Variants in PTPRT observed in about 807,000 individuals in gnomAD.
PTPRT encodes protein tyrosine phosphatase receptor type T.
PTPRT carries 56 observed loss-of-function variants against 176.8 expected under a neutral mutation model. The ratio of observed to expected loss-of-function variants is 0.32; its 90% confidence interval spans 0.26 to 0.40. The LOEUF (loss-of-function observed/expected upper bound fraction) is 0.40. PTPRT is among the 10% of genes least tolerant of loss of function. The pLI, the probability that PTPRT is intolerant of heterozygous loss-of-function variation, is 1.00. For missense variants in PTPRT, 1,540 were observed against 1,908.2 expected, an observed-to-expected ratio of 0.81 and a Z score of 3.60; for synonymous variants, 783 against 739.0, an observed-to-expected ratio of 1.06 and a Z score of -0.96.
At chr20:43,159,534 T>A (rs770416229) in intron 1 of PTPRT, among the ~76,000 whole-genome samples, 1 of 152,234 alleles carries the variant, frequency 6.6e-6, no homozygotes, top group Non-Finnish European at 1.5e-5. Context: ...GCGTGATGCC[T>A]GCCACATGGA....
intron 2 of PTPRT, among the ~76,000 whole-genome samples, chr20:42,806,298 A>G (rs1292845919): frequency 6.6e-6 from 1 of 152,106 alleles, no homozygotes; most frequent in Non-Finnish European, 1.5e-5. Flanking sequence ...ATCCTGGCCA[A>G]CGTGGTGAAA....
intron 9 of PTPRT, among the ~76,000 whole-genome samples, chr20:42,361,172 C>T (rs1301215834): frequency 6.6e-6 from 1 of 152,098 alleles, no homozygotes. Flanking sequence ...TCTGAGCCCA[C>T]CCCACTCAGG....
chr20:42,234,698 C>T (rs1254153456), intron 15 of PTPRT, among the ~76,000 whole-genome samples: 2 of 152,202 alleles, frequency 1.3e-5, no homozygotes, highest in African/African-American at 4.8e-5. Flanking sequence ...GGGTTCTAGC[C>T]ATTTCTTCAT....
intron 6 of PTPRT, among the ~76,000 whole-genome samples, chr20:42,710,526 TGC>T (rs1225057265): frequency 1.3e-5 from 2 of 152,238 alleles, no homozygotes; most frequent in African/African-American, 4.8e-5. Flanking sequence ...GTGTTATGTT[TGC>T]AAGTGCACAG....
intron 13 of PTPRT, among the ~76,000 whole-genome samples, chr20:42,282,196 G>T (rs1234060242): frequency 2.0e-5 from 3 of 152,052 alleles, no homozygotes; most frequent in African/African-American, 7.2e-5. Flanking sequence ...AAGAATATTT[G>T]AGTAAATTTA....
At chr20:42,993,449 T>C (rs993985127) in intron 1 of PTPRT, among the ~76,000 whole-genome samples, 2 of 106,842 alleles carry the variant, frequency 1.9e-5, no homozygotes, top group African/African-American at 1.0e-4. Context: ...TGTATATATA[T>C]ATATGTATGT....
intron 6 of PTPRT, among the ~76,000 whole-genome samples, chr20:42,710,585 T>A (rs2076129657): frequency 6.6e-6 from 1 of 152,258 alleles, no homozygotes; most frequent in African/African-American, 2.4e-5. Context: ...TGGAAGCTGG[T>A]AAGCATCCTT....
At chr20:42,162,561 C>T (rs747051216) in intron 16 of PTPRT, among the ~76,000 whole-genome samples, 1 of 152,176 alleles carries the variant, frequency 6.6e-6, no homozygotes, top group African/African-American at 2.4e-5. Context: ...TAGGCTTGGT[C>T]TTCCCAACCT....
At chr20:42,454,111 A>G (rs1345121542) in intron 8 of PTPRT, among the ~76,000 whole-genome samples, 2 of 151,904 alleles carry the variant, frequency 1.3e-5, no homozygotes, top group Admixed American at 6.6e-5. Context: ...ATCTATGTGG[A>G]TTGAGTGTTT....
In PTPRT at chr20:43,184,688, A is replaced by T. The variant is rs6030684; in HGVS notation, c.88+4958T>A. ...GCGACAGAGCAGTGAGACTCTGTCTAAAAAAAAAAACAGGCCCTAATGATC... is the reference window on the plus strand; with the variant it reads ...GCGACAGAGCAGTGAGACTCTGTCTTAAAAAAAAAACAGGCCCTAATGATC... On this transcript the variant is annotated intron_variant, in intron 1 of 30. Coordinates refer to ENST00000373187, the MANE Select transcript of PTPRT (RefSeq NM_007050.6). Among the ~76,000 whole-genome samples the T allele has an allele frequency of 3.9e-3, 563 of 144,668 alleles. 4 individuals are homozygous for T. Among genetic ancestry groups the T allele is most frequent in the African/African-American group, 0.013 (535 of 39,718 alleles). The allele number at this position is 144,668 out of a possible 152,430, so 94.9% of individuals were successfully genotyped here. A position where few individuals can be genotyped will look rare whatever the true frequency, so the allele number is the denominator to read the frequency against.
At chr20:42,034,479 C>T in the PTPRT span, among the ~76,000 whole-genome samples, 7 of 152,190 alleles carry the variant, frequency 4.6e-5, no homozygotes, top group Non-Finnish European at 1.0e-4. Flanking sequence ...ACACTCACTC[C>T]TGTGTCATGG....
intron 4 of PTPRT, among the ~76,000 whole-genome samples, chr20:42,776,693 AATCAT>A (rs1478955010): frequency 8.6e-5 from 13 of 150,772 alleles, no homozygotes; most frequent in African/African-American, 3.2e-4. Context: ...ATAATTATAT[AATCAT>A]ATCATATAAT....
chr20:43,087,787 G>A (rs1162054480), intron 1 of PTPRT, among the ~76,000 whole-genome samples: 7 of 152,092 alleles, frequency 4.6e-5, no homozygotes, highest in African/African-American at 1.7e-4. Flanking sequence ...TAACCTATGA[G>A]CTTTTACTCC....
At chr20:42,560,566 G>T (rs2072936395) in intron 7 of PTPRT, among the ~76,000 whole-genome samples, 2 of 152,164 alleles carry the variant, frequency 1.3e-5, no homozygotes, top group African/African-American at 4.8e-5. Context: ...GAGCAAAATT[G>T]CCTCAGGGTA....
intron 14 of PTPRT, among the ~76,000 whole-genome samples, chr20:42,241,439 G>A (rs1171883107): frequency 6.6e-6 from 1 of 152,136 alleles, no homozygotes; most frequent in Non-Finnish European, 1.5e-5. Context: ...CAGTCCCATA[G>A]GTCACAGGGA....
At chr20:42,345,436 A>G (rs1568794354) in intron 11 of PTPRT, among the ~76,000 whole-genome samples, 5 of 149,096 alleles carry the variant, frequency 3.4e-5, no homozygotes, top group Non-Finnish European at 7.4e-5. Context: ...ATATATATAT[A>G]AAACTAGTTA....
At chr20:42,550,539 T>G (rs1033262896) in intron 7 of PTPRT, among the ~76,000 whole-genome samples, 1 of 152,070 alleles carries the variant, frequency 6.6e-6, no homozygotes, top group African/African-American at 2.4e-5. Context: ...GCAGACCTAG[T>G]TGCATTCTTG....
chr20:42,138,756 C>T (rs1228657584), intron 18 of PTPRT, among the ~76,000 whole-genome samples: 1 of 152,200 alleles, frequency 6.6e-6, no homozygotes, highest in South Asian at 2.1e-4. Flanking sequence ...TCCATTTACA[C>T]TCCCTAGAAA....
chr20:42,638,032 T>G (rs1348438279), intron 7 of PTPRT, among the ~76,000 whole-genome samples: 1 of 152,140 alleles, frequency 6.6e-6, no homozygotes, highest in Non-Finnish European at 1.5e-5. Flanking sequence ...CAATATTCAA[T>G]AACTTTACAC....
Sources: allele counts gnomAD v4.1 joint callset (sites outside exome capture counted in the v4.1 genomes callset), GRCh38; gene constraint gnomAD v4.1.1; transcripts MANE v1.5; gene names NCBI Gene and HGNC (gene_info 2026-07-23, HGNC 2026-07-21).